Variants in SLC15A4 observed in about 807,000 individuals in gnomAD.
The protein encoded by SLC15A4 is hPHT1.
Under a neutral mutation model 46.1 loss-of-function variants are expected in SLC15A4, and 26 were observed. That is an observed-to-expected ratio of 0.56 (90% confidence interval 0.41 to 0.78). SLC15A4 has a LOEUF of 0.78. Ranked by LOEUF, SLC15A4 falls within the 30% of genes least tolerant of loss-of-function variation. The pLI, the probability that SLC15A4 is intolerant of heterozygous loss-of-function variation, is 0.00. For missense variants in SLC15A4, 751 were observed against 755.7 expected (o/e 0.99, Z 0.07); for synonymous variants, 370 against 333.4 (o/e 1.11, Z -1.20).
intron 2 of SLC15A4, among the ~76,000 whole-genome samples, chr12:128,811,394 C>T (rs1385383632): frequency 1.3e-5 from 2 of 152,282 alleles, no homozygotes; most frequent in South Asian, 2.1e-4. Flanking sequence ...AAAATAGAAG[C>T]GCTGAAAACT....
At chr12:128,811,711 C>T (rs1361737731) in intron 2 of SLC15A4, among the ~76,000 whole-genome samples, 1 of 152,110 alleles carries the variant, frequency 6.6e-6, no homozygotes, top group Non-Finnish European at 1.5e-5. Flanking sequence ...AGTGGTTTAC[C>T]ACATCATATT....
At chr12:128,801,667 T>G in intron 5 of SLC15A4, 1 of 152,134 alleles carries the variant, frequency 6.6e-6, no homozygotes, top group East Asian at 1.9e-4. Flanking sequence ...GGGCAGCAGC[T>G]CCTACTCTAT....
chr12:128,823,519 G>A lies in SLC15A4; in HGVS notation c.425C>T (p.Thr142Met), dbSNP rs1419034257. ...GGCGGCGGCGTCGGGACCAGGCGCC[G>A]TGCAGTTGAGCAGGCGCGCGGAACC... ...LCGSARLLNC[T>M]APGPDAAARC... Residue 142 changes from threonine to methionine, a missense_variant, in exon 1 of 8, where the codon ACG becomes ATG. By Grantham distance (81) the Thr-to-Met change is moderately conservative (BLOSUM62 -1). Coordinates refer to ENST00000266771, the MANE Select transcript of SLC15A4 (RefSeq NM_145648.4). The A allele has an allele frequency of 5.4e-6, 8 of 1,478,876 alleles. No individual in the cohort carries two copies. The highest frequency in any genetic ancestry group is 1.5e-5 in the African/African-American group (1 of 68,070). 91.6% of individuals were successfully genotyped at this position (1,478,876 alleles called of 1,614,324 possible).
At chr12:128,812,008 C>G (rs139323220) in intron 2 of SLC15A4, among the ~76,000 whole-genome samples, 11 of 152,282 alleles carry the variant, frequency 7.2e-5, no homozygotes, top group Admixed American at 4.6e-4. Flanking sequence ...AGTTTCAGGA[C>G]GCCTGTGCCT....
chr12:128,819,062 G>A (rs1055256869), intron 1 of SLC15A4, among the ~76,000 whole-genome samples: 20 of 152,080 alleles, frequency 1.3e-4, no homozygotes, highest in African/African-American at 4.6e-4. Context: ...ATTGCAAAAT[G>A]CACACCTCTC....
chr12:128,809,685 A>G (rs1015705378), intron 3 of SLC15A4: 1 of 547,662 alleles, frequency 1.8e-6, no homozygotes. Context: ...CCAGTTATCC[A>G]AAGGAGAAAT....
chr12:128,801,052 A>G (rs1593004904), intron 5 of SLC15A4, 43 bp from the exon 6 acceptor site: 1 of 1,513,940 alleles, frequency 6.6e-7, no homozygotes. Context: ...ATTTATTAAC[A>G]TTTACAGTTA....
At chr12:128,810,512 A>C (rs1955643358) in intron 2 of SLC15A4, among the ~76,000 whole-genome samples, 1 of 152,222 alleles carries the variant, frequency 6.6e-6, no homozygotes, top group African/African-American at 2.4e-5. Flanking sequence ...GCATATGAAA[A>C]AATGCACTGG....
chr12:128,799,483 T>C (rs1288675974), intron 6 of SLC15A4, 66 bp from the exon 7 acceptor site: 14 of 1,565,528 alleles, frequency 8.9e-6, no homozygotes, highest in African/African-American at 1.4e-5. Flanking sequence ...ATCAAAGCTT[T>C]CACCTAATAT....
At position 128,794,099 on chromosome 12, in the gene SLC15A4, G is replaced by A; in HGVS notation, c.*97C>T. On this transcript the variant is annotated 3_prime_UTR_variant, in exon 8 of 8. Coordinates refer to ENST00000266771, the MANE Select transcript of SLC15A4 (RefSeq NM_145648.4). ...CAACATGCAAGTTTCAGTGAAGTCA[G>A]ACATTTTATGGGAATTTAAAGTCTT... 3 of 1,196,502 alleles carry A rather than the reference G, an allele frequency of 2.5e-6. No individual in the cohort carries two copies. The South Asian group carries it at 4.9e-5, about 20-fold the overall frequency. 74.1% of individuals were successfully genotyped at this position (1,196,502 alleles called of 1,614,324 possible).
intron 5 of SLC15A4, among the ~76,000 whole-genome samples, chr12:128,806,373 G>A (rs1354781056): frequency 2.0e-5 from 3 of 151,920 alleles, no homozygotes; most frequent in East Asian, 3.9e-4. Flanking sequence ...CAACCCTTCA[G>A]CTAAGAAAAG....
chr12:128,823,805 C>CCAGCAGCTCCGT lies in SLC15A4; in HGVS notation c.127_138dup (p.Thr43_Leu46dup), dbSNP rs1391643572. ...GTGATGCCGTAGAAAGCGGCGCGCT[C>CCAGCAGCTCCGT]CAGCAGCTCCGTCAGCAGCACGGCC... is the stretch of plus-strand genomic sequence containing the variant. On this transcript the variant is annotated inframe_insertion, in exon 1 of 8. Coordinates refer to ENST00000266771, the MANE Select transcript of SLC15A4 (RefSeq NM_145648.4). 6 of 1,491,480 alleles carry CCAGCAGCTCCGT rather than the reference C, an allele frequency of 4.0e-6. No homozygotes were observed. The South Asian group carries it at 6.2e-5, about 15-fold the overall frequency. The allele number at this position is 1,491,480 out of a possible 1,614,324, so 92.4% of individuals were successfully genotyped here.
At chr12:128,819,852 G>A (rs567053944) in intron 1 of SLC15A4, 4 of 152,226 alleles carry the variant, frequency 2.6e-5, no homozygotes, top group African/African-American at 9.6e-5. Context: ...ATTTTAAGAA[G>A]TATCAATTAC....
chr12:128,794,236 C>T lies in SLC15A4; in HGVS notation c.1694G>A (p.Arg565Gln), dbSNP rs372794236. 13 of 1,613,646 alleles carry T rather than the reference C, an allele frequency of 8.1e-6. No homozygotes were observed. Among genetic ancestry groups the T allele is most frequent in the East Asian group, 2.2e-5 (1 of 44,864 alleles). ...VKYDHHRDHQ[R>Q]SRANGVPTSR... ...GGTGGGCACGCCATTGGCTCTTGAT[C>T]GCTGATGGTCTCGATGATGGTCATA... The change falls in exon 8 of 8, where the codon CGA becomes CAA. Residue 565 changes from arginine to glutamine, a missense_variant. Transcript: ENST00000266771.
At chr12:128,794,444 A>C (rs1955422621) in intron 7 of SLC15A4, 88 bp from the exon 8 acceptor site, 5 of 1,282,676 alleles carry the variant, frequency 3.9e-6, no homozygotes, top group African/African-American at 1.5e-5. Context: ...GTTCCCACTA[A>C]GGTTTAACTG....
chr12:128,822,895 C>A (rs1041530985), intron 1 of SLC15A4, among the ~76,000 whole-genome samples: 2 of 151,898 alleles, frequency 1.3e-5, no homozygotes, highest in Admixed American at 6.6e-5. Flanking sequence ...GTTACCCAAG[C>A]TAGAGTGCAC....
chr12:128,799,451 A>C, intron 6 of SLC15A4, 34 bp from the exon 7 acceptor site: 1 of 1,612,020 alleles, frequency 6.2e-7, no homozygotes, highest in Admixed American at 1.7e-5. Flanking sequence ...GTTTTTGTGA[A>C]AGGGGCACTT....
intron 5 of SLC15A4, 50 bp downstream of exon 5, chr12:128,808,738 A>G (rs768644235): frequency 1.3e-6 from 2 of 1,591,164 alleles, no homozygotes; most frequent in Non-Finnish European, 1.7e-6. Context: ...TTCTGAATCC[A>G]CAACTGCTGC....
rs1394220851 is a variant in SLC15A4 at position 128,810,103 on chromosome 12, A to G, written c.851T>C (p.Ile284Thr). 1.9e-6 allele frequency: 3 copies of G among 1,611,520 alleles called. No homozygotes were observed. The highest frequency in any genetic ancestry group is 2.5e-6 in the Non-Finnish European group (3 of 1,179,126). ...TTTAGAAGATTGCTGAAAGACTCCAATGCCTTCACTTTGGGAAATAAAATG... is the reference window on the plus strand; with the variant it reads ...TTTAGAAGATTGCTGAAAGACTCCAGTGCCTTCACTTTGGGAAATAAAATG... The part of the protein sequence containing the change: ...SGERQSNGEG[I>T]GVFQQSSKQS... The change falls in exon 3 of 8, where the codon ATT becomes ACT. Residue 284 changes from isoleucine (I) to threonine (T), a missense_variant. Coordinates refer to ENST00000266771, the MANE Select transcript of SLC15A4 (RefSeq NM_145648.4).
Sources: allele counts gnomAD v4.1 joint callset (sites outside exome capture counted in the v4.1 genomes callset), GRCh38; gene constraint gnomAD v4.1.1; transcripts MANE v1.5; gene names NCBI Gene and HGNC (gene_info 2026-07-23, HGNC 2026-07-21).